ZBTB7C: variants seen among roughly 807,000 people sequenced by gnomAD.
The protein encoded by ZBTB7C is zinc finger and BTB domain containing 7C.
Under a neutral mutation model 25.7 loss-of-function variants are expected in ZBTB7C, and 8 were observed. The ratio of observed to expected loss-of-function variants is 0.31; its 90% CI spans 0.18 to 0.56. The LOEUF (loss-of-function observed/expected upper bound fraction) is 0.56, where lower values mean the gene tolerates loss of function less well. Among genes scored for constraint, ZBTB7C ranks in the 20% least tolerant of loss-of-function variants. The pLI is 0.91. For missense variants in ZBTB7C, 824 were observed against 855.2 expected, an observed-to-expected ratio of 0.96 and a Z score of 0.46; for synonymous variants, 394 against 369.0, an observed-to-expected ratio of 1.07 and a Z score of -0.78.
intron 2 of ZBTB7C, among the ~76,000 whole-genome samples, chr18:48,282,196 T>G (rs2044875412): frequency 6.7e-6 from 1 of 149,100 alleles, no homozygotes; most frequent in Non-Finnish European, 1.5e-5. Context: ...TCATTCTCAG[T>G]AAACTATCGC....
At chr18:48,260,342 T>G (rs909947283) in intron 2 of ZBTB7C, among the ~76,000 whole-genome samples, 1 of 152,168 alleles carries the variant, frequency 6.6e-6, no homozygotes, top group Non-Finnish European at 1.5e-5. Flanking sequence ...CCCTTCCCCC[T>G]GGGCACTAGG....
At chr18:48,122,221 G>A (rs756418377) in intron 3 of ZBTB7C, among the ~76,000 whole-genome samples, 22 of 152,194 alleles carry the variant, frequency 1.4e-4, no homozygotes, top group Non-Finnish European at 2.8e-4. Flanking sequence ...CAGTTCTTCA[G>A]GGCCTCAGAA....
At chr18:48,139,964 C>T (rs2144824870) in intron 3 of ZBTB7C, among the ~76,000 whole-genome samples, 2 of 152,306 alleles carry the variant, frequency 1.3e-5, no homozygotes, top group South Asian at 4.1e-4. Flanking sequence ...CTCTGGCTCC[C>T]CGCCTTCCCG....
At chr18:48,294,285 C>T (rs747811199) in intron 2 of ZBTB7C, among the ~76,000 whole-genome samples, 5 of 152,156 alleles carry the variant, frequency 3.3e-5, no homozygotes, top group Admixed American at 2.0e-4. Flanking sequence ...AACCAGCAGC[C>T]GAAGCAGCTA....
chr18:48,090,024 T>G (rs1242711934), intron 3 of ZBTB7C, among the ~76,000 whole-genome samples: 1 of 152,070 alleles, frequency 6.6e-6, no homozygotes, highest in East Asian at 1.9e-4. Context: ...GGCAGTGAGG[T>G]GGGTAGTTCC....
At chr18:48,172,475 C>T (rs1255223800) in intron 3 of ZBTB7C, among the ~76,000 whole-genome samples, 1 of 152,188 alleles carries the variant, frequency 6.6e-6, no homozygotes, top group Non-Finnish European at 1.5e-5. Context: ...TGTGCCCTGT[C>T]TCCATGAGTG....
chr18:48,253,272 A>C (rs2043922495), intron 2 of ZBTB7C, among the ~76,000 whole-genome samples: 1 of 152,180 alleles, frequency 6.6e-6, no homozygotes, highest in African/African-American at 2.4e-5. Context: ...AGGTAAAATA[A>C]ATACCTTTAA....
At chr18:48,398,966 A>T (rs1189019745) in intron 1 of ZBTB7C, among the ~76,000 whole-genome samples, 1 of 152,232 alleles carries the variant, frequency 6.6e-6, no homozygotes, top group African/African-American at 2.4e-5. Context: ...CAGAAAAATC[A>T]AGGATCCCTT....
chr18:48,217,829 G>C (rs778713194), intron 2 of ZBTB7C, among the ~76,000 whole-genome samples: 1 of 152,090 alleles, frequency 6.6e-6, no homozygotes, highest in Non-Finnish European at 1.5e-5. Context: ...GGAACACTGG[G>C]TTGTCTGCTT....
At chr18:48,176,642 TAA>T (rs2041688960) in intron 3 of ZBTB7C, among the ~76,000 whole-genome samples, 1 of 150,956 alleles carries the variant, frequency 6.6e-6, no homozygotes, top group Non-Finnish European at 1.5e-5. Context: ...TGTGTGTGTG[TAA>T]GAAAGAACAC....
intron 3 of ZBTB7C, among the ~76,000 whole-genome samples, chr18:48,146,673 T>A (rs895855480): frequency 1.3e-5 from 2 of 152,194 alleles, no homozygotes; most frequent in Non-Finnish European, 1.5e-5. Flanking sequence ...TCAAAAAAAA[T>A]TTTCTTTCAC....
At chr18:48,083,915 A>G in intron 3 of ZBTB7C, 1 of 985,234 alleles carries the variant, frequency 1.0e-6, no homozygotes, top group South Asian at 4.7e-5. Flanking sequence ...GTGAACTTCC[A>G]ATCCTGTTGG....
chr18:48,062,035 A>G (rs542303961), intron 3 of ZBTB7C, among the ~76,000 whole-genome samples: 2 of 152,218 alleles, frequency 1.3e-5, no homozygotes, highest in Non-Finnish European at 2.9e-5. Flanking sequence ...GGCAAGAAGG[A>G]CAAAGTGCTA....
At chr18:48,353,762 G>T (rs964175840) in intron 1 of ZBTB7C, among the ~76,000 whole-genome samples, 10 of 152,168 alleles carry the variant, frequency 6.6e-5, no homozygotes, top group African/African-American at 2.2e-4. Flanking sequence ...CACTCCACAC[G>T]TTTCTCATGA....
intron 3 of ZBTB7C, among the ~76,000 whole-genome samples, chr18:48,131,290 A>C (rs910743110): frequency 1.3e-5 from 2 of 152,248 alleles, no homozygotes; most frequent in African/African-American, 4.8e-5. Flanking sequence ...GATGGTGAAG[A>C]GTCCATTCAT....
At chr18:48,053,904 C>T (rs1036606256) in intron 3 of ZBTB7C, among the ~76,000 whole-genome samples, 4 of 152,166 alleles carry the variant, frequency 2.6e-5, no homozygotes, top group Admixed American at 2.0e-4. Context: ...GGAGGTGAGG[C>T]CCCCAAGCAG....
intron 2 of ZBTB7C, among the ~76,000 whole-genome samples, chr18:48,193,596 G>A (rs2042249556): frequency 6.6e-6 from 1 of 152,172 alleles, no homozygotes; most frequent in African/African-American, 2.4e-5. Context: ...TTTGTTAATG[G>A]GGGCACTTGC....
chr18:48,104,521 T>C (rs1476316185), intron 3 of ZBTB7C, among the ~76,000 whole-genome samples: 1 of 152,052 alleles, frequency 6.6e-6, no homozygotes, highest in Non-Finnish European at 1.5e-5. Flanking sequence ...AGACATTCTG[T>C]GAATTACATC....
At chr18:48,032,525 C>T (rs747304564) in intron 4 of ZBTB7C, among the ~76,000 whole-genome samples, 31 of 148,768 alleles carry the variant, frequency 2.1e-4, no homozygotes, top group Admixed American at 1.4e-3. Context: ...AGCTCCGCAT[C>T]CCGGGTTCAC....
Sources: gnomAD v4.1 joint callset for allele counts (sites outside exome capture counted in the v4.1 genomes callset) on GRCh38, gnomAD v4.1.1 for gene constraint, MANE v1.5 for transcripts, NCBI Gene and HGNC (gene_info 2026-07-23, HGNC 2026-07-21) for gene names.